The following IST1 variants were observed in gnomAD, a reference collection of about 807,000 sequenced individuals.
IST1 encodes the protein IST1 homolog.
In IST1, 23 loss-of-function variants were observed where a neutral mutation model predicts 37.0. That is an observed-to-expected ratio of 0.62 (90% confidence interval 0.45 to 0.88). IST1 has a LOEUF of 0.88. Ranked by LOEUF, IST1 falls within the 40% of genes least tolerant of loss-of-function variation. The pLI, the probability that IST1 is intolerant of heterozygous loss-of-function variation, is 0.00. For synonymous variants in IST1, 180 were observed against 161.7 expected, an observed-to-expected ratio of 1.11 and a Z score of -0.86; for missense variants, 488 against 445.4, an observed-to-expected ratio of 1.10 and a Z score of -0.86.
chr16:71,922,029 C>T (rs180951091), intron 6 of IST1, among the ~76,000 whole-genome samples: 20 of 152,124 alleles, frequency 1.3e-4, no homozygotes, highest in South Asian at 4.2e-4. Flanking sequence ...CTCAGCTACT[C>T]GGGAGGCTGA....
At chr16:71,897,171 G>C (rs974967242) in intron 1 of IST1, among the ~76,000 whole-genome samples, 12 of 119,914 alleles carry the variant, frequency 1.0e-4, no homozygotes, top group African/African-American at 3.7e-4. Flanking sequence ...CCCACGCCTG[G>C]CTTTTTTTTT....
Position 71,929,298 on chromosome 16 carries a change from C to A in IST1, c.*1485C>A. The stretch of plus-strand genomic sequence containing the variant: ...CTTCATTTCCCGCAGCCATCCTGGG[C>A]CATGGGTGGTGAGTTCTGTTACTTG... On this transcript the variant is annotated 3_prime_UTR_variant, in exon 10 of 10. Coordinates refer to ENST00000378799, the MANE Select transcript of IST1 (RefSeq NM_001270975.2). The A allele has an allele frequency of 2.8e-6, 1 of 360,686 alleles. No homozygotes were observed. Among genetic ancestry groups the A allele is most frequent in the East Asian group, 4.8e-5 (1 of 20,820 alleles). The allele number at this position is 360,686 out of a possible 1,614,324, so 22.3% of individuals were successfully genotyped here. A position where few individuals can be genotyped will look rare whatever the true frequency, so the allele number is the denominator to read the frequency against.
intron 1 of IST1, among the ~76,000 whole-genome samples, chr16:71,901,020 CAT>C (rs946084658): frequency 1.6e-4 from 24 of 152,178 alleles, no homozygotes; most frequent in African/African-American, 5.1e-4. Flanking sequence ...TATATAATCA[CAT>C]ATGTATAAAA....
At chr16:71,922,751 C>G (rs2037636689) in intron 7 of IST1, 71 bp downstream of exon 7, 2 of 1,274,486 alleles carry the variant, frequency 1.6e-6, no homozygotes, top group Non-Finnish European at 2.2e-6. Context: ...TGTGAACACA[C>G]TCAGGAATCA....
intron 9 of IST1, among the ~76,000 whole-genome samples, chr16:71,926,628 G>C (rs1387557398): frequency 1.3e-5 from 2 of 151,890 alleles, no homozygotes; most frequent in African/African-American, 4.8e-5. Flanking sequence ...TTACAGGCGT[G>C]AGCCACCACG....
chr16:71,920,906 T>TA, intron 5 of IST1, 84 bp downstream of exon 5: 2 of 957,700 alleles, frequency 2.1e-6, no homozygotes, highest in Non-Finnish European at 3.4e-6. Context: ...TGGGTACCAC[T>TA]GTATTGCTCA....
intron 1 of IST1, among the ~76,000 whole-genome samples, chr16:71,912,332 G>C (rs2037374710): frequency 1.3e-5 from 2 of 152,064 alleles, no homozygotes; most frequent in Admixed American, 1.3e-4. Flanking sequence ...CCGCCTCCTG[G>C]GTTCACGCCA....
chr16:71,901,452 A>G lies in IST1; in HGVS notation c.-16+5863A>G, dbSNP rs368292970. Among the ~76,000 whole-genome samples, 58 of 152,264 alleles carry G rather than the reference A, an allele frequency of 3.8e-4. 1 individual carries two copies. Among genetic ancestry groups the G allele is most frequent in the Admixed American group, 9.8e-4 (15 of 15,280 alleles). The stretch of plus-strand genomic sequence containing the variant: ...ATGGTCTCGATCTCCTGACCTCGTG[A>G]TCCACCCACCTCGGCCTCCCAAAGT... On this transcript the variant is annotated intron_variant, in intron 1 of 9. Transcript: ENST00000378799.
At chr16:71,906,212 C>T (rs1444989704) in intron 1 of IST1, among the ~76,000 whole-genome samples, 2 of 151,554 alleles carry the variant, frequency 1.3e-5, no homozygotes, top group African/African-American at 4.9e-5. Context: ...GCTGTGTTAG[C>T]CAGGATGGTC....
At chr16:71,924,840 C>A (rs756786829) in intron 9 of IST1, 23 bp downstream of exon 9, 2 of 1,536,676 alleles carry the variant, frequency 1.3e-6, no homozygotes, top group South Asian at 2.2e-5. Flanking sequence ...AATCAGAAAC[C>A]TGCAGAGCTC....
intron 1 of IST1, among the ~76,000 whole-genome samples, chr16:71,902,639 T>G (rs547041182): frequency 1.3e-5 from 2 of 152,314 alleles, no homozygotes; most frequent in South Asian, 4.1e-4. Context: ...TTTAGTAAAT[T>G]TGAGTTTCTG....
At chr16:71,901,047 G>C (rs550603866) in intron 1 of IST1, among the ~76,000 whole-genome samples, 1 of 152,124 alleles carries the variant, frequency 6.6e-6, no homozygotes, top group Non-Finnish European at 1.5e-5. Flanking sequence ...GTTTATGTTT[G>C]TTAATGTATA....
upstream of IST1, chr16:71,894,874 G>A (rs1185865704): frequency 1.8e-5 from 28 of 1,513,930 alleles, no homozygotes; most frequent in Non-Finnish European, 2.5e-5. Context: ...CAAGGAAAAA[G>A]TTTTCTCTGA....
rs1229386872 is a variant in IST1, at chr16:71,927,709, G to C, written c.997G>C (p.Asp333His). 2 of 1,613,874 alleles carry C rather than the reference G, an allele frequency of 1.2e-6. No homozygotes were observed. Among genetic ancestry groups the C allele is most frequent in the Non-Finnish European group, 1.7e-6 (2 of 1,179,786 alleles). ...CCTACCAGAGTTGCCATCTGTGCCA[G>C]ACACACTACCAACTGCATCTGCTGG... ...FVLPELPSVP[D>H]TLPTASAGAS... The change falls in exon 10 of 10, where the codon GAC becomes CAC. Residue 333 changes from aspartate (D) to histidine (H), a missense_variant. Around this residue, in one of 2 missense-constraint regions of IST1, gnomAD observed 455 missense variants for 386.2 expected, o/e 1.18. Coordinates refer to ENST00000378799, the MANE Select transcript of IST1 (RefSeq NM_001270975.2).
At chr16:71,917,345 A>C (rs76985617) in intron 4 of IST1, among the ~76,000 whole-genome samples, 5,628 of 152,286 alleles carry the variant, frequency 0.037, 321 homozygotes, top group African/African-American at 0.13. Flanking sequence ...TTTAAGGAGC[A>C]AAGTTTTGTG....
At chr16:71,919,567 T>A (rs1304591558) in intron 4 of IST1, among the ~76,000 whole-genome samples, 3 of 152,192 alleles carry the variant, frequency 2.0e-5, no homozygotes, top group Non-Finnish European at 2.9e-5. Flanking sequence ...TTGTATCTTT[T>A]AAAAATAGAG....
chr16:71,920,756 T>C lies in IST1; in HGVS notation c.375T>C (p.Cys125=). 2 of 1,613,884 alleles carry C rather than the reference T, an allele frequency of 1.2e-6. No individual in the cohort carries two copies. Among genetic ancestry groups the C allele is most frequent in the Non-Finnish European group, 1.7e-6 (2 of 1,179,736 alleles). ...AELKIVADQL[C]AKYSKEYGKL... is the part of the protein sequence containing the mutation. ...CTTTTTAGGTTGCTGATCAGCTCTG[T>C]GCCAAGTATAGCAAGGAATATGGCA... The change falls in exon 5 of 10, where the codon TGT becomes TGC. Residue 125 remains cysteine (C), a synonymous_variant. Transcript: ENST00000378799.
chr16:71,924,786 T>C lies in IST1; in HGVS notation c.870T>C (p.Ala290=), dbSNP rs1427891314. 2 of 1,610,348 alleles carry C rather than the reference T, an allele frequency of 1.2e-6. No homozygotes were observed. The highest frequency in any genetic ancestry group is 1.7e-6 in the Non-Finnish European group (2 of 1,176,490). The part of the protein sequence containing the change: ...PSYESVDDIN[A]DKNISSAQIV... The stretch of plus-strand genomic sequence containing the variant: ...TGTTTCAGGTAGATGACATTAATGC[T>C]GATAAGAATATCTCTTCTGCACAGA... The change falls in exon 9 of 10, where the codon GCT becomes GCC. Residue 290 remains alanine, a synonymous_variant. Transcript: ENST00000378799.
In IST1 at chr16:71,910,377, C is replaced by T. The variant is rs138550444; in HGVS notation, c.-15-5249C>T. 2.1e-3 allele frequency among the ~76,000 whole-genome samples: 325 copies of T among 152,158 alleles called. 2 individuals carry two copies. The highest frequency in any genetic ancestry group is 7.2e-3 in the African/African-American group (299 of 41,532). ...ATCCCAGTACTTTGGGAGGCCGAGG[C>T]AGGCGGATTACAAAGTCAGGAGATC... On this transcript the variant is annotated intron_variant, in intron 1 of 9. Transcript: ENST00000378799.
Sources: gnomAD v4.1 joint callset for allele counts (sites outside exome capture counted in the v4.1 genomes callset) on GRCh38, gnomAD v4.1.1 for gene constraint, gnomAD v4.1.1 regional missense constraint, MANE v1.5 for transcripts, NCBI Gene and HGNC (gene_info 2026-07-23, HGNC 2026-07-21) for gene names.